Variants in FRK observed in about 807,000 individuals in gnomAD.
FRK encodes the protein tyrosine-protein kinase FRK.
A neutral mutation model predicts 56.4 loss-of-function variants in FRK; 51 were observed. The observed-to-expected ratio is 0.90, with a 90% confidence interval of 0.72 to 1.14. FRK has a LOEUF of 1.14. Among genes scored for constraint, FRK ranks in the 50% most tolerant of loss-of-function variants. The pLI is 0.00. For missense variants in FRK, 570 were observed against 601.4 expected (o/e 0.95, Z 0.55); for synonymous variants, 245 against 217.9 (o/e 1.12, Z -1.10).
the FRK span, among the ~76,000 whole-genome samples, chr6:116,076,149 T>C: frequency 6.6e-6 from 1 of 152,214 alleles, no homozygotes; most frequent in Non-Finnish European, 1.5e-5. Flanking sequence ...TGTTTCTGTA[T>C]GAGAACTCTC....
chr6:115,980,459 G>A (rs1304821357), intron 2 of FRK, among the ~76,000 whole-genome samples: 1 of 152,092 alleles, frequency 6.6e-6, no homozygotes, highest in Non-Finnish European at 1.5e-5. Context: ...TACTACTAAA[G>A]GAATCCAGCT....
chr6:116,010,888 G>A (rs1281613345), intron 1 of FRK, among the ~76,000 whole-genome samples: 1 of 152,166 alleles, frequency 6.6e-6, no homozygotes, highest in Non-Finnish European at 1.5e-5. Flanking sequence ...TGGGACACGA[G>A]TGAATATGTG....
rs1301716561 is a variant in FRK at position 115,935,172 on chromosome 6, G to C, written c.*7242C>G. 6.6e-6 allele frequency: 1 copy of C among 152,392 alleles called. No individual in the cohort carries two copies. The highest frequency in any genetic ancestry group is 1.5e-5 in the Non-Finnish European group (1 of 68,190). The allele number at this position is 152,392 out of a possible 1,614,324, so 9.4% of individuals were successfully genotyped here. On this transcript the variant is annotated 3_prime_UTR_variant, in exon 8 of 8. Coordinates refer to ENST00000606080, the MANE Select transcript of FRK (RefSeq NM_002031.3). ...CAGTTCATATCAGTGGGACTGGTTG[G>C]ACAGTGGGTGCAGCCCATGGAGGGC... is the stretch of plus-strand genomic sequence containing the variant.
the FRK span, among the ~76,000 whole-genome samples, chr6:116,090,444 A>G: frequency 6.6e-6 from 1 of 152,208 alleles, no homozygotes; most frequent in Non-Finnish European, 1.5e-5. Context: ...TCCAAAACCA[A>G]AGGTTTCCTG....
intron 2 of FRK, among the ~76,000 whole-genome samples, chr6:115,977,642 T>G (rs1774036407): frequency 6.6e-6 from 1 of 152,172 alleles, no homozygotes; most frequent in Admixed American, 6.6e-5. Flanking sequence ...GAAGCCCAGC[T>G]GAGGTTACTT....
chr6:115,933,153 T>C lies in FRK; in HGVS notation c.*9261A>G, dbSNP rs1027627259. The C allele has an allele frequency of 6.6e-6, 1 of 152,358 alleles. No homozygotes were observed. The highest frequency in any genetic ancestry group is 2.1e-4 in the South Asian group (1 of 4,834). The allele number at this position is 152,358 out of a possible 1,614,324, so 9.4% of individuals were successfully genotyped here. ...AGAAAAAGAAAAACTTAATGGAACA[T>C]TGAATTTTCTTTATTGCAAATTCTT... On this transcript the variant is annotated 3_prime_UTR_variant, in exon 8 of 8. Coordinates refer to ENST00000606080, the MANE Select transcript of FRK (RefSeq NM_002031.3).
rs373992642 is a variant in FRK, at chr6:116,060,362, C to T, written c.-51G>A. On this transcript the variant is annotated 5_prime_UTR_variant, in exon 1 of 8. Transcript: ENST00000606080. ...CAGGGCTTCTCCCTCTCCCCTTAGT[C>T]TCTGCGATCCACCTTATCTTCCTTC... 2.1e-6 allele frequency: 3 copies of T among 1,420,822 alleles called. No homozygotes were observed. The highest frequency in any genetic ancestry group is 1.9e-6 in the Non-Finnish European group (2 of 1,029,236). 88.0% of individuals were successfully genotyped at this position (1,420,822 alleles called of 1,614,324 possible).
At chr6:116,030,902 G>A (rs768395177) in intron 1 of FRK, among the ~76,000 whole-genome samples, 32 of 152,058 alleles carry the variant, frequency 2.1e-4, no homozygotes, top group Non-Finnish European at 4.4e-4. Flanking sequence ...TGCAGTAGAG[G>A]ACACTCCTGT....
chr6:116,072,837 A>G, the FRK span, among the ~76,000 whole-genome samples: 5 of 152,190 alleles, frequency 3.3e-5, no homozygotes, highest in African/African-American at 1.2e-4. Flanking sequence ...TGTGGAAAGT[A>G]TAACAGGGAA....
At chr6:115,955,416 A>C (rs1463333173) in intron 5 of FRK, among the ~76,000 whole-genome samples, 2 of 152,214 alleles carry the variant, frequency 1.3e-5, no homozygotes. Flanking sequence ...ACCCAAGACC[A>C]CTTCTGCACT....
chr6:116,061,218 C>A (rs556814565), upstream of FRK, among the ~76,000 whole-genome samples: 132 of 152,236 alleles, frequency 8.7e-4, no homozygotes, highest in African/African-American at 3.0e-3. Context: ...AGACACAGAG[C>A]AATTGGAAAA....
At chr6:116,034,552 T>C (rs1330485967) in intron 1 of FRK, among the ~76,000 whole-genome samples, 5 of 152,120 alleles carry the variant, frequency 3.3e-5, no homozygotes, top group East Asian at 3.9e-4. Context: ...AAATTCAGAT[T>C]GTGGGAAATT....
chr6:115,942,336 G>A lies in FRK; in HGVS notation c.*78C>T, dbSNP rs1424183671. On this transcript the variant is annotated 3_prime_UTR_variant, in exon 8 of 8. Coordinates refer to ENST00000606080, the MANE Select transcript of FRK (RefSeq NM_002031.3). ...GTCAGGATAAACTGATTGTGCAGTT[G>A]GTTGATAACATTGTATTTTGGAATG... 8.6e-7 allele frequency: 1 copy of A among 1,157,164 alleles called. No individual in the cohort carries two copies. The highest frequency in any genetic ancestry group is 1.3e-6 in the Non-Finnish European group (1 of 783,258). 71.7% of individuals were successfully genotyped at this position (1,157,164 alleles called of 1,614,324 possible).
At chr6:116,079,934 A>T in the FRK span, among the ~76,000 whole-genome samples, 1 of 152,048 alleles carries the variant, frequency 6.6e-6, no homozygotes, top group East Asian at 1.9e-4. Context: ...CCTTTACCCT[A>T]CCTCAGCTCA....
At chr6:115,988,500 C>T (rs1156858221) in intron 2 of FRK, among the ~76,000 whole-genome samples, 2 of 151,948 alleles carry the variant, frequency 1.3e-5, no homozygotes, top group Non-Finnish European at 2.9e-5. Context: ...ATCAGATATT[C>T]TTCTTTTTAT....
intron 2 of FRK, among the ~76,000 whole-genome samples, chr6:115,971,410 G>C (rs1441283850): frequency 6.6e-6 from 1 of 152,100 alleles, no homozygotes; most frequent in African/African-American, 2.4e-5. Flanking sequence ...AAAAATGCAA[G>C]GAAATATCAA....
intron 2 of FRK, among the ~76,000 whole-genome samples, chr6:115,969,114 A>G (rs553559882): frequency 6.6e-6 from 1 of 152,290 alleles, no homozygotes; most frequent in South Asian, 2.1e-4. Flanking sequence ...AAATCATGAA[A>G]GGTTTTTAGA....
the FRK span, among the ~76,000 whole-genome samples, chr6:116,099,879 G>A: frequency 6.6e-6 from 1 of 152,142 alleles, no homozygotes; most frequent in Non-Finnish European, 1.5e-5. Flanking sequence ...TAATAGATTT[G>A]TATTTTCTTT....
chr6:115,963,089 A>G (rs1182039185), intron 4 of FRK, among the ~76,000 whole-genome samples: 2 of 44,488 alleles, frequency 4.5e-5, no homozygotes, highest in African/African-American at 1.3e-4. Context: ...AAACCTTCAA[A>G]AAATCAATGA....
Sources: gnomAD v4.1 joint callset for allele counts (sites outside exome capture counted in the v4.1 genomes callset) on GRCh38, gnomAD v4.1.1 for gene constraint, MANE v1.5 for transcripts, NCBI Gene and HGNC (gene_info 2026-07-23, HGNC 2026-07-21) for gene names.